The following SOWAHD variants were observed in gnomAD, a reference collection of about 807,000 sequenced individuals.
SOWAHD encodes the protein sosondowah ankyrin repeat domain family member D.
For missense variants in SOWAHD, 295 were observed against 297.7 expected (o/e 0.99, Z 0.07); for synonymous variants, 142 against 147.2 (o/e 0.96, Z 0.26).
In SOWAHD at chrX:119,758,956, C is replaced by G. The variant is rs1319176768; in HGVS notation, c.289C>G (p.Leu97Val). Residue 97 changes from leucine to valine, a missense_variant, in exon 1 of 1, where the codon CTG becomes GTG. Transcript: ENST00000343905. ...GWLSEERAEE[L>V]GGPSGPGSSR... ...GCTGTCGGAGGAGCGCGCCGAGGAG[C>G]TGGGCGGGCCGAGTGGGCCGGGCAG... The G allele has an allele frequency of 2.1e-5, 23 of 1,104,312 alleles. No homozygotes were observed. The highest frequency in any genetic ancestry group is 2.6e-5 in the Non-Finnish European group (22 of 850,279). 91.0% of individuals were successfully genotyped at this position (1,104,312 alleles called of 1,213,427 possible).
In SOWAHD at chrX:119,758,794, T is replaced by C. The variant is rs747942697; in HGVS notation, c.127T>C (p.Trp43Arg). ...RADTGSLGRYWGKAAAAASRE... is the reference protein window; with the variant it reads ...RADTGSLGRYRGKAAAAASRE... ...GGACACTGGTAGCCTGGGCAGGTAC[T>C]GGGGCAAAGCCGCAGCCGCCGCCTC... Residue 43 changes from tryptophan to arginine, a missense_variant, in exon 1 of 1, where the codon TGG (tryptophan) becomes CGG (arginine). Coordinates refer to ENST00000343905, the MANE Select transcript of SOWAHD (RefSeq NM_001105576.3). The C allele has an allele frequency of 1.7e-5, 20 of 1,165,055 alleles. No individual in the cohort carries two copies. The South Asian group carries it at 3.8e-4, about 22-fold the overall frequency.
Position 119,759,653 on chromosome X carries a change from A to T in SOWAHD, c.*38A>T, listed in dbSNP as rs902056264. 5.4e-6 allele frequency: 6 copies of T among 1,109,588 alleles called. No homozygotes were observed. In the African/African-American group the frequency reaches 5.6e-5, roughly 10 times the overall value. The allele number at this position is 1,109,588 out of a possible 1,213,427, so 91.4% of individuals were successfully genotyped here. On this transcript the variant is annotated 3_prime_UTR_variant, in exon 1 of 1. Transcript: ENST00000343905. ...CTGGAGAGCTAGGAGGGGCTGTGAC[A>T]CTGTGGCGATGGCTAGGTCCTGGGT...
In SOWAHD at chrX:119,759,322, C is replaced by T. The variant is rs763196234; in HGVS notation, c.655C>T (p.His219Tyr). The T allele has an allele frequency of 8.4e-7, 1 of 1,185,007 alleles. No homozygotes were observed. Among genetic ancestry groups the T allele is most frequent in the Non-Finnish European group, 1.1e-6 (1 of 882,668 alleles). Residue 219 changes from histidine (H) to tyrosine (Y), a missense_variant, in exon 1 of 1, where the codon CAC (histidine) becomes TAC (tyrosine). His to Tyr is a moderately conservative substitution (Grantham distance 83). Coordinates refer to ENST00000343905, the MANE Select transcript of SOWAHD (RefSeq NM_001105576.3). ...GGGTGCTGACGCTACGCGCCGCGACCACAGCGGCCACCGGGCCTGCCACTA... is the reference window on the plus strand; with the variant it reads ...GGGTGCTGACGCTACGCGCCGCGACTACAGCGGCCACCGGGCCTGCCACTA... ...ALGADATRRD[H>Y]SGHRACHYLR...
chrX:119,759,365 C>T lies in SOWAHD; in HGVS notation c.698C>T (p.Pro233Leu), dbSNP rs768194266. The T allele has an allele frequency of 6.8e-4, 814 of 1,196,404 alleles. 1 individual carries two copies. Among genetic ancestry groups the T allele is most frequent in the Admixed American group, 2.1e-3 (91 of 44,141 alleles). ...TGCCACTACCTGCGGCCCGACGCGC[C>T]TTGGAGGTTGCGGGAGCTGTCGGGA... ...RACHYLRPDA[P>L]WRLRELSGAE... The change falls in exon 1 of 1, where the codon CCT (proline) becomes CTT (leucine). Residue 233 changes from proline to leucine, a missense_variant. Coordinates refer to ENST00000343905, the MANE Select transcript of SOWAHD (RefSeq NM_001105576.3).
In SOWAHD at chrX:119,758,592, G is replaced by C; in HGVS notation, c.-76G>C. The C allele has an allele frequency of 1.0e-6, 1 of 956,216 alleles. No individual in the cohort carries two copies. The highest frequency in any genetic ancestry group is 1.3e-6 in the Non-Finnish European group (1 of 749,116). The allele number at this position is 956,216 out of a possible 1,213,427, so 78.8% of individuals were successfully genotyped here. A position where few individuals can be genotyped will look rare whatever the true frequency, so the allele number is the denominator to read the frequency against. On this transcript the variant is annotated 5_prime_UTR_variant, in exon 1 of 1. Coordinates refer to ENST00000343905, the MANE Select transcript of SOWAHD (RefSeq NM_001105576.3). Reference sequence around the variant, plus strand: ...GCTTCCTTCCCCAACGCCAGCGCCAGTTCCTCTCCCGTTGGGGCCCGGGAA... The same window carrying C: ...GCTTCCTTCCCCAACGCCAGCGCCACTTCCTCTCCCGTTGGGGCCCGGGAA...
At position 119,758,692 on chromosome X, in the gene SOWAHD, A is replaced by C. The variant is rs2055528543; in HGVS notation, c.25A>C (p.Asn9His). 1 of 1,136,491 alleles carries C rather than the reference A, an allele frequency of 8.8e-7. No homozygotes were observed. Among genetic ancestry groups the C allele is most frequent in the Non-Finnish European group, 1.2e-6 (1 of 865,577 alleles). 93.7% of individuals were successfully genotyped at this position (1,136,491 alleles called of 1,213,427 possible). Reference sequence around the variant, plus strand: ...CATGGCCCAGCTCGGAGGGGCCGCGAACCGGGCACCCACGGCCTCTCTCGC... The same window carrying C: ...CATGGCCCAGCTCGGAGGGGCCGCGCACCGGGCACCCACGGCCTCTCTCGC... Reference protein sequence around the residue: MAQLGGAANRAPTASLAPT... With the variant: MAQLGGAAHRAPTASLAPT... The change falls in exon 1 of 1, where the codon AAC becomes CAC. Residue 9 changes from asparagine (N) to histidine (H), a missense_variant. Asn to His is a moderately conservative substitution (Grantham distance 68). Coordinates refer to ENST00000343905, the MANE Select transcript of SOWAHD (RefSeq NM_001105576.3).
Position 119,759,757 on chromosome X carries a change from T to A in SOWAHD, c.*142T>A, listed in dbSNP as rs964504392. ...GGAACAGAACACGTCGGGGTCCGAC[T>A]CAGGTACTTGTCTCAGGTCTCCTGT... On this transcript the variant is annotated 3_prime_UTR_variant, in exon 1 of 1. Transcript: ENST00000343905. 11 of 599,050 alleles carry A rather than the reference T, an allele frequency of 1.8e-5. No individual in the cohort carries two copies. In the Admixed American group the frequency reaches 5.8e-4, roughly 31 times the overall value. The allele number at this position is 599,050 out of a possible 1,213,427, so 49.4% of individuals were successfully genotyped here. A position where few individuals can be genotyped will look rare whatever the true frequency, so the allele number is the denominator to read the frequency against.
Position 119,758,690 on chromosome X carries a change from C to A in SOWAHD, c.23C>A (p.Ala8Glu), listed in dbSNP as rs900061186. MAQLGGA[A>E]NRAPTASLAP... The stretch of plus-strand genomic sequence containing the variant: ...ACCATGGCCCAGCTCGGAGGGGCCG[C>A]GAACCGGGCACCCACGGCCTCTCTC... Residue 8 changes from alanine (A) to glutamate (E), a missense_variant, in exon 1 of 1, where the codon GCG (alanine) becomes GAG (glutamate). By Grantham distance (107) the Ala-to-Glu change is moderately radical. Transcript: ENST00000343905. 1 of 1,135,172 alleles carries A rather than the reference C, an allele frequency of 8.8e-7. No homozygotes were observed. The highest frequency in any genetic ancestry group is 1.2e-6 in the Non-Finnish European group (1 of 864,589). The allele number at this position is 1,135,172 out of a possible 1,213,427, so 93.6% of individuals were successfully genotyped here.
At position 119,759,840 on chromosome X, in the gene SOWAHD, G is replaced by T; in HGVS notation, c.*225G>T. On this transcript the variant is annotated 3_prime_UTR_variant, in exon 1 of 1. Transcript: ENST00000343905. ...CACCACCTCACCAAGAGAGAGTGAA[G>T]GACCAAGCTGGCCTGGCTCCGAGTT... The T allele has an allele frequency of 6.2e-6, 2 of 322,885 alleles. No homozygotes were observed. Among genetic ancestry groups the T allele is most frequent in the East Asian group, 9.6e-5 (2 of 20,827 alleles). The allele number at this position is 322,885 out of a possible 1,213,427, so 26.6% of individuals were successfully genotyped here.
chrX:119,759,604 C>CA lies in SOWAHD; in HGVS notation c.938dup (p.Asp314GlyfsTer129), dbSNP rs2055537230. Reference sequence around the variant, plus strand: ...TTTCCGCCATCTGTTCCCCTCATTCCAGGACCGTTGACAGGGACAGAGACT... The same window carrying CA: ...TTTCCGCCATCTGTTCCCCTCATTCCAAGGACCGTTGACAGGGACAGAGACT... On this transcript the variant is annotated frameshift_variant, in exon 1 of 1. Coordinates refer to ENST00000343905, the MANE Select transcript of SOWAHD (RefSeq NM_001105576.3). LOFTEE classifies it high-confidence loss of function. 1 of 1,156,064 alleles carries CA rather than the reference C, an allele frequency of 8.7e-7. No individual in the cohort carries two copies. The highest frequency in any genetic ancestry group is 2.0e-5 in the South Asian group (1 of 49,015).
Position 119,759,482 on chromosome X carries a change from T to C in SOWAHD, c.815T>C (p.Val272Ala). 1 of 1,201,635 alleles carries C rather than the reference T, an allele frequency of 8.3e-7. No individual in the cohort carries two copies. Among genetic ancestry groups the C allele is most frequent in the Non-Finnish European group, 1.1e-6 (1 of 889,475 alleles). ...ACTGCGTGGAGGGCCGCGAGCGCAGTGGGCGCGACGGCTGTGGAGACAAGC... is the reference window on the plus strand; with the variant it reads ...ACTGCGTGGAGGGCCGCGAGCGCAGCGGGCGCGACGGCTGTGGAGACAAGC... ...GTTAWRAASA[V>A]GATAVETSRR... Residue 272 changes from valine to alanine, a missense_variant, in exon 1 of 1, where the codon GTG (valine) becomes GCG (alanine). Val to Ala is a moderately conservative substitution (Grantham distance 64). Transcript: ENST00000343905.
Position 119,760,159 on chromosome X carries a change from C to A in SOWAHD, c.*544C>A, listed in dbSNP as rs1384029330. 3 of 123,879 alleles carry A rather than the reference C, an allele frequency of 2.4e-5. No individual in the cohort carries two copies. Among genetic ancestry groups the A allele is most frequent in the African/African-American group, 9.7e-5 (3 of 30,817 alleles). The allele number at this position is 123,879 out of a possible 1,213,427, so 10.2% of individuals were successfully genotyped here. On this transcript the variant is annotated 3_prime_UTR_variant, in exon 1 of 1. Coordinates refer to ENST00000343905, the MANE Select transcript of SOWAHD (RefSeq NM_001105576.3). The stretch of plus-strand genomic sequence containing the variant: ...ACTTTTTCTCATGTATCACAGGTTA[C>A]TTCTTATGTATATTAAAGTGGAATA...
Position 119,759,042 on chromosome X carries a change from C to G in SOWAHD, c.375C>G (p.Arg125=). Residue 125 remains arginine (R), a synonymous_variant, in exon 1 of 1, where the codon CGC becomes CGG. Coordinates refer to ENST00000343905, the MANE Select transcript of SOWAHD (RefSeq NM_001105576.3). Reference sequence around the variant, plus strand: ...GGATTCTGGCAGCCGCCGAGGGCCGCTATGAGGTGCTGCGGGAGCTGCTGG... The same window carrying G: ...GGATTCTGGCAGCCGCCGAGGGCCGGTATGAGGTGCTGCGGGAGCTGCTGG... ...HAWILAAAEG[R]YEVLRELLEA... is the part of the protein sequence containing the mutation. The G allele has an allele frequency of 8.5e-7, 1 of 1,174,290 alleles. No homozygotes were observed. Among genetic ancestry groups the G allele is most frequent in the South Asian group, 1.9e-5 (1 of 53,729 alleles).
rs766298197 is a variant in SOWAHD, at chrX:119,759,371, G to T, written c.704G>T (p.Arg235Met). The T allele has an allele frequency of 3.3e-6, 4 of 1,198,457 alleles. No homozygotes were observed. In the South Asian group the frequency reaches 7.2e-5, roughly 22 times the overall value. ...TACCTGCGGCCCGACGCGCCTTGGA[G>T]GTTGCGGGAGCTGTCGGGAGCCGAG... ...CHYLRPDAPW[R>M]LRELSGAEEW... The change falls in exon 1 of 1, where the codon AGG becomes ATG. Residue 235 changes from arginine to methionine, a missense_variant. Coordinates refer to ENST00000343905, the MANE Select transcript of SOWAHD (RefSeq NM_001105576.3).
At position 119,759,202 on chromosome X, in the gene SOWAHD, G is replaced by C. The variant is rs765377152; in HGVS notation, c.535G>C (p.Asp179His). ...CGCCCTACGCCGGGGGCTGAGGCTCGACGTGAGCGCCCCAGGCAGCGGCGG... is the reference window on the plus strand; with the variant it reads ...CGCCCTACGCCGGGGGCTGAGGCTCCACGTGAGCGCCCCAGGCAGCGGCGG... ...DFALRRGLRL[D>H]VSAPGSGGLT... The change falls in exon 1 of 1, where the codon GAC becomes CAC. Residue 179 changes from aspartate (D) to histidine (H), a missense_variant. Coordinates refer to ENST00000343905, the MANE Select transcript of SOWAHD (RefSeq NM_001105576.3). 1.7e-6 allele frequency: 2 copies of C among 1,187,130 alleles called. No homozygotes were observed. Among genetic ancestry groups the C allele is most frequent in the East Asian group, 6.1e-5 (2 of 32,863 alleles).
Position 119,758,744 on chromosome X carries a change from C to A in SOWAHD, c.77C>A (p.Ala26Asp). Residue 26 changes from alanine (A) to aspartate (D), a missense_variant, in exon 1 of 1, where the codon GCC becomes GAC. Transcript: ENST00000343905. ...LAPTSQSLRC[A>D]PQPRPSRADT... ...CCGACCTCGCAGAGCCTGCGGTGCGCCCCGCAGCCCCGCCCCTCGAGAGCG... is the reference window on the plus strand; with the variant it reads ...CCGACCTCGCAGAGCCTGCGGTGCGACCCGCAGCCCCGCCCCTCGAGAGCG... The A allele has an allele frequency of 1.7e-6, 2 of 1,167,490 alleles. No individual in the cohort carries two copies. Among genetic ancestry groups the A allele is most frequent in the African/African-American group, 1.8e-5 (1 of 55,336 alleles).
At position 119,759,806 on chromosome X, in the gene SOWAHD, G is replaced by T; in HGVS notation, c.*191G>T. On this transcript the variant is annotated 3_prime_UTR_variant, in exon 1 of 1. Coordinates refer to ENST00000343905, the MANE Select transcript of SOWAHD (RefSeq NM_001105576.3). ...GTAACCACCGGCCTGGAGGACCCGGGGACTCGGGCACCACCTCACCAAGAG... is the reference window on the plus strand; with the variant it reads ...GTAACCACCGGCCTGGAGGACCCGGTGACTCGGGCACCACCTCACCAAGAG... 2.7e-6 allele frequency: 1 copy of T among 376,729 alleles called. No individual in the cohort carries two copies. The highest frequency in any genetic ancestry group is 4.5e-6 in the Non-Finnish European group (1 of 223,079). The allele number at this position is 376,729 out of a possible 1,213,427, so 31.0% of individuals were successfully genotyped here.
Position 119,759,022 on chromosome X carries a change from C to T in SOWAHD, c.355C>T (p.Leu119=). The change falls in exon 1 of 1, where the codon CTG becomes TTG. Residue 119 remains leucine (L), a synonymous_variant. Coordinates refer to ENST00000343905, the MANE Select transcript of SOWAHD (RefSeq NM_001105576.3). ...CLEPREHAWI[L]AAAEGRYEVL... ...GGAACCGCGGGAGCACGCGTGGATT[C>T]TGGCAGCCGCCGAGGGCCGCTATGA... is the stretch of plus-strand genomic sequence containing the variant. 1 of 1,161,021 alleles carries T rather than the reference C, an allele frequency of 8.6e-7. No individual in the cohort carries two copies. The highest frequency in any genetic ancestry group is 1.1e-6 in the Non-Finnish European group (1 of 876,165).
rs2055537906 is a variant in SOWAHD at position 119,759,704 on chromosome X, G to T, written c.*89G>T. 2 of 950,217 alleles carry T rather than the reference G, an allele frequency of 2.1e-6. No individual in the cohort carries two copies. Among genetic ancestry groups the T allele is most frequent in the East Asian group, 7.1e-5 (2 of 28,177 alleles). 78.3% of individuals were successfully genotyped at this position (950,217 alleles called of 1,213,427 possible). A position where few individuals can be genotyped will look rare whatever the true frequency, so the allele number is the denominator to read the frequency against. The stretch of plus-strand genomic sequence containing the variant: ...TGTCCCGGGTTCCACCGAAGGAGAG[G>T]CGCCTTGGACGCTGCTTGGGCCTGC... On this transcript the variant is annotated 3_prime_UTR_variant, in exon 1 of 1. Coordinates refer to ENST00000343905, the MANE Select transcript of SOWAHD (RefSeq NM_001105576.3).
Sources: allele counts gnomAD v4.1 joint callset, GRCh38; gene constraint gnomAD v4.1.1; transcripts MANE v1.5; gene names NCBI Gene and HGNC (gene_info 2026-07-23, HGNC 2026-07-21).